The following ITPKC variants were observed in gnomAD, a reference collection of about 807,000 sequenced individuals.
The protein encoded by ITPKC is IP3 3-kinase C.
A neutral mutation model predicts 67.1 loss-of-function variants in ITPKC; 33 were observed. The observed-to-expected ratio is 0.49, with a 90% CI of 0.37 to 0.66. The LOEUF is 0.66. Ranked by LOEUF, ITPKC falls within the 30% of genes least tolerant of loss-of-function variation. The pLI is 0.00. For synonymous variants in ITPKC, 341 were observed against 359.8 expected, an observed-to-expected ratio of 0.95 and a Z score of 0.59; for missense variants, 820 against 892.1, an observed-to-expected ratio of 0.92 and a Z score of 1.03.
rs1386365090 is a variant in ITPKC at position 40,739,377 on chromosome 19, C to G, written c.1869C>G (p.Leu623=). The part of the protein sequence containing the change: ...KTHEVVGSSL[L]FVHDHTGLAK... ...GGCAGGTGGTAGGCAGCTCCCTCCT[C>G]TTCGTGCACGACCACACCGGCCTGG... Residue 623 remains leucine, a synonymous_variant, in exon 7 of 7, where the codon CTC becomes CTG. Coordinates refer to ENST00000263370, the MANE Select transcript of ITPKC (RefSeq NM_025194.3). The G allele has an allele frequency of 6.2e-7, 1 of 1,613,654 alleles. No individual in the cohort carries two copies. The highest frequency in any genetic ancestry group is 1.3e-5 in the African/African-American group (1 of 74,954).
intron 1 of ITPKC, among the ~76,000 whole-genome samples, 170 bp downstream of exon 1, chr19:40,718,460 T>C (rs1388315772): frequency 6.6e-6 from 1 of 152,164 alleles, no homozygotes; most frequent in African/African-American, 2.4e-5. Flanking sequence ...AGGTTACTAA[T>C]TCACTCCAGG....
rs560113546 is a variant in ITPKC, at chr19:40,729,520, C to A, written c.1469+105C>A. ...GTGGCTCACGCCTGTAATCCCAGCA[C>A]TTTGGGAGGCCGAGGCTGGTGGATC... On this transcript the variant is annotated intron_variant, in intron 3 of 6. Coordinates refer to ENST00000263370, the MANE Select transcript of ITPKC (RefSeq NM_025194.3). The A allele has an allele frequency of 7.2e-4, 696 of 972,524 alleles. 1 individual carries two copies. The highest frequency in any genetic ancestry group is 2.1e-3 in the Admixed American group (100 of 47,742). The allele number at this position is 972,524 out of a possible 1,614,324, so 60.2% of individuals were successfully genotyped here. A position where few individuals can be genotyped will look rare whatever the true frequency, so the allele number is the denominator to read the frequency against.
intron 1 of ITPKC, among the ~76,000 whole-genome samples, chr19:40,719,081 T>C (rs575960351): frequency 2.0e-5 from 3 of 152,240 alleles, no homozygotes; most frequent in Admixed American, 6.5e-5. Flanking sequence ...CTGGGAGCCG[T>C]GGGGCTGGGA....
chr19:40,733,431 T>C, intron 4 of ITPKC, 67 bp downstream of exon 4: 1 of 1,464,314 alleles, frequency 6.8e-7, no homozygotes, highest in Non-Finnish European at 9.3e-7. Flanking sequence ...CAGGGCTTCT[T>C]GGGGAAAGCC....
In ITPKC at chr19:40,718,677, G is replaced by A. The variant is rs147335763; in HGVS notation, c.1155+387G>A. 3.9e-5 allele frequency among the ~76,000 whole-genome samples: 6 copies of A among 152,296 alleles called. No homozygotes were observed. The East Asian group carries it at 1.2e-3, about 29-fold the overall frequency. On this transcript the variant is annotated intron_variant, in intron 1 of 6. Transcript: ENST00000263370. The stretch of plus-strand genomic sequence containing the variant: ...CTGGAATCTGAAGAACACTGGGATA[G>A]GGAGACAGGCAGGGTGCACTTTCTA...
At chr19:40,724,842 G>A (rs551823986) in intron 1 of ITPKC, among the ~76,000 whole-genome samples, 1 of 151,942 alleles carries the variant, frequency 6.6e-6, no homozygotes, top group East Asian at 1.9e-4. Context: ...CCAGCTACTC[G>A]GAGGGTGAGG....
At chr19:40,729,439 C>T in intron 3 of ITPKC, 24 bp downstream of exon 3, 1 of 1,594,698 alleles carries the variant, frequency 6.3e-7, no homozygotes. Context: ...AGCCCTGGGG[C>T]AGGGATGGAG....
intron 4 of ITPKC, among the ~76,000 whole-genome samples, chr19:40,735,763 GTGTGGCAGA>G (rs1370913915): frequency 2.6e-5 from 4 of 152,176 alleles, no homozygotes; most frequent in Non-Finnish European, 4.4e-5. Flanking sequence ...ACCTGGCACA[GTGTGGCAGA>G]TGACTTAGGT....
intron 2 of ITPKC, among the ~76,000 whole-genome samples, chr19:40,728,986 C>T (rs2082258259): frequency 6.6e-6 from 1 of 152,012 alleles, no homozygotes. Flanking sequence ...CGAGATCGCA[C>T]CATTGCACTC....
intron 4 of ITPKC, among the ~76,000 whole-genome samples, 170 bp downstream of exon 4, chr19:40,733,534 C>T (rs1276883010): frequency 6.6e-6 from 1 of 152,162 alleles, no homozygotes; most frequent in Non-Finnish European, 1.5e-5. Context: ...AGCCCAGGTT[C>T]TGTTTATCCG....
In ITPKC at chr19:40,737,045, A is replaced by G. The variant is rs148855055; in HGVS notation, c.1734A>G (p.Thr578=). ...FKKTQALEQV[T]KVLEDFVDGD... ...AGACGCAGGCACTGGAGCAGGTGAC[A>G]AAAGTGCTGGAGGACTTCGTGGATG... Residue 578 remains threonine, a synonymous_variant, in exon 5 of 7, where the codon ACA becomes ACG. Coordinates refer to ENST00000263370, the MANE Select transcript of ITPKC (RefSeq NM_025194.3). 17 of 1,592,508 alleles carry G rather than the reference A, an allele frequency of 1.1e-5. No homozygotes were observed. In the African/African-American group the frequency reaches 2.0e-4, roughly 19 times the overall value.
At chr19:40,718,978 C>G (rs902176746) in intron 1 of ITPKC, among the ~76,000 whole-genome samples, 6 of 152,146 alleles carry the variant, frequency 3.9e-5, no homozygotes, top group African/African-American at 1.4e-4. Context: ...GGGTGTGGCT[C>G]TCCCCTGGTG....
chr19:40,728,594 C>G (rs2036994882), intron 2 of ITPKC, among the ~76,000 whole-genome samples: 1 of 152,182 alleles, frequency 6.6e-6, no homozygotes. Flanking sequence ...TTAGATCTCA[C>G]AGAATTCCCA....
intron 4 of ITPKC, 32 bp downstream of exon 4, chr19:40,733,396 G>C: frequency 6.3e-7 from 1 of 1,575,804 alleles, no homozygotes; most frequent in Non-Finnish European, 8.6e-7. Context: ...GCCTGTCCCG[G>C]GAAGGCCTAT....
At position 40,725,348 on chromosome 19, in the gene ITPKC, C is replaced by G; in HGVS notation, c.1164C>G (p.Pro388=). Residue 388 remains proline (P), a synonymous_variant, in exon 2 of 7, where the codon CCC becomes CCG. Transcript: ENST00000263370. ...TGCTCTGCTCCCTACAGAGCAAACCCTGGAAGAAGCTGAAGACAGTTCTGA... is the reference window on the plus strand; with the variant it reads ...TGCTCTGCTCCCTACAGAGCAAACCGTGGAAGAAGCTGAAGACAGTTCTGA... ...SDPEDRSGSK[P]WKKLKTVLKY... 1.2e-6 allele frequency: 2 copies of G among 1,613,242 alleles called. No homozygotes were observed. The highest frequency in any genetic ancestry group is 1.7e-6 in the Non-Finnish European group (2 of 1,179,148).
intron 2 of ITPKC, among the ~76,000 whole-genome samples, chr19:40,726,447 G>A (rs765739503): frequency 6.6e-6 from 1 of 152,174 alleles, no homozygotes; most frequent in Admixed American, 6.6e-5. Flanking sequence ...AATATCTTAG[G>A]TTTTGTGGGC....
chr19:40,729,109 A>G (rs1228865312), intron 2 of ITPKC, 93 bp from the exon 3 acceptor site: 13 of 947,604 alleles, frequency 1.4e-5, no homozygotes, highest in Admixed American at 3.7e-5. Context: ...GGGCAAGATA[A>G]TGGTGGCCAG....
Position 40,717,361 on chromosome 19 carries a change from C to T in ITPKC, c.226C>T (p.Leu76Phe). ...CCACAGCGAGCCTGAGAGGGCCGGC[C>T]TCGGGCCTGCGCCGGGGACAGAGAG... ...SLHSEPERAG[L>F]GPAPGTESPQ... Residue 76 changes from leucine to phenylalanine, a missense_variant, in exon 1 of 7, where the codon CTC (leucine) becomes TTC (phenylalanine). Transcript: ENST00000263370. 6.2e-7 allele frequency: 1 copy of T among 1,612,064 alleles called. No individual in the cohort carries two copies. The highest frequency in any genetic ancestry group is 8.5e-7 in the Non-Finnish European group (1 of 1,179,712).
rs1471575000 is a variant in ITPKC, at chr19:40,717,300, G to A, written c.165G>A (p.Gly55=). ...GGGCCCCGGCGGGGCGGCCGGAGGGGGGCGGGCCCTGGGCCCGGACAGAGG... is the reference window on the plus strand; with the variant it reads ...GGGCCCCGGCGGGGCGGCCGGAGGGAGGCGGGCCCTGGGCCCGGACAGAGG... The part of the protein sequence containing the change: ...GAGAPAGRPE[G]GGPWARTEGS... Residue 55 remains glycine, a synonymous_variant, in exon 1 of 7, where the codon GGG becomes GGA. Transcript: ENST00000263370. The A allele has an allele frequency of 3.9e-6, 6 of 1,519,550 alleles. No homozygotes were observed. Among genetic ancestry groups the A allele is most frequent in the African/African-American group, 1.4e-5 (1 of 71,974 alleles). The allele number at this position is 1,519,550 out of a possible 1,614,324, so 94.1% of individuals were successfully genotyped here.
Sources: gnomAD v4.1 joint callset for allele counts (sites outside exome capture counted in the v4.1 genomes callset) on GRCh38, gnomAD v4.1.1 for gene constraint, MANE v1.5 for transcripts, NCBI Gene and HGNC (gene_info 2026-07-23, HGNC 2026-07-21) for gene names.